The following NR2E1 variants were observed in gnomAD, a reference collection of about 807,000 sequenced individuals.
The protein encoded by NR2E1 is nuclear receptor subfamily 2 group E member 1.
NR2E1 carries 5 observed loss-of-function variants against 43.6 expected under a neutral mutation model. The ratio of observed to expected loss-of-function variants is 0.11; its 90% CI spans 0.06 to 0.24. The LOEUF (loss-of-function observed/expected upper bound fraction) is 0.24, where lower values mean the gene tolerates loss of function less well. Among genes scored for constraint, NR2E1 ranks in the 10% least tolerant of loss-of-function variants. NR2E1 has a pLI of 1.00. For missense variants in NR2E1, 287 were observed against 496.7 expected, an observed-to-expected ratio of 0.58 and a Z score of 4.01; for synonymous variants, 191 against 195.5, an observed-to-expected ratio of 0.98 and a Z score of 0.19.
chr6:108,170,032 C>G (rs981241462), intron 1 of NR2E1, among the ~76,000 whole-genome samples: 1 of 150,628 alleles, frequency 6.6e-6, no homozygotes, highest in African/African-American at 2.5e-5. Flanking sequence ...ACGGTGCAAG[C>G]TCGCCCGGAC....
At chr6:108,173,698 C>A (rs896245711) in intron 2 of NR2E1, among the ~76,000 whole-genome samples, 7 of 152,208 alleles carry the variant, frequency 4.6e-5, no homozygotes, top group Non-Finnish European at 8.8e-5. Context: ...TTTCTTCTCA[C>A]TACAAATCTA....
At chr6:108,177,962 C>A in intron 4 of NR2E1, 133 bp from the exon 5 acceptor site, 2 of 932,820 alleles carry the variant, frequency 2.1e-6, no homozygotes, top group Non-Finnish European at 3.5e-6. Flanking sequence ...CCAATGTCAA[C>A]TGCATGTTTA....
At chr6:108,175,155 C>G (rs1014642487) in intron 3 of NR2E1, among the ~76,000 whole-genome samples, 1 of 152,168 alleles carries the variant, frequency 6.6e-6, no homozygotes, top group Non-Finnish European at 1.5e-5. Context: ...AACTTGCGCC[C>G]CACAGTCATC....
At chr6:108,171,430 C>T (rs752658233) in intron 1 of NR2E1, 28 bp from the exon 2 acceptor site, 2 of 1,613,540 alleles carry the variant, frequency 1.2e-6, no homozygotes, top group Non-Finnish European at 1.7e-6. Context: ...GCCCCTTCCC[C>T]CCTTCCCCGT....
chr6:108,175,024 G>A, intron 3 of NR2E1, 101 bp downstream of exon 3: 2 of 1,133,286 alleles, frequency 1.8e-6, no homozygotes, highest in Non-Finnish European at 1.3e-6. Flanking sequence ...CAACCCCGGA[G>A]CGCTTCTTTC....
chr6:108,177,173 C>A (rs1480255148), intron 4 of NR2E1, among the ~76,000 whole-genome samples: 1 of 152,230 alleles, frequency 6.6e-6, no homozygotes, highest in Non-Finnish European at 1.5e-5. Context: ...GGAGGAAGGG[C>A]TCCAGAATTC....
intron 8 of NR2E1, 112 bp from the exon 9 acceptor site, chr6:108,187,189 A>C: frequency 7.9e-7 from 1 of 1,265,990 alleles, no homozygotes; most frequent in Non-Finnish European, 1.2e-6. Flanking sequence ...ATACTGTGTT[A>C]TTCAAGAGAC....
rs569458717 is a variant in NR2E1, at chr6:108,180,167, A to C, written c.643-156A>C. On this transcript the variant is annotated intron_variant, in intron 5 of 8. Coordinates refer to ENST00000368986, the MANE Select transcript of NR2E1 (RefSeq NM_003269.5). The surrounding 1 kb of genome is among the most constrained non-coding windows in gnomAD (Gnocchi z 5.4). ...TCTATAGGCACCTTTTCAAAAGGAA[A>C]ATATGGGAAAATAAGGGAAAGCTAG... is the stretch of plus-strand genomic sequence containing the variant. Among the ~76,000 whole-genome samples the C allele has an allele frequency of 6.6e-6, 1 of 152,260 alleles. No homozygotes were observed. The highest frequency in any genetic ancestry group is 1.5e-5 in the Non-Finnish European group (1 of 68,044).
chr6:108,166,948 T>G lies in NR2E1; in HGVS notation c.25+158T>G, dbSNP rs372523006. On this transcript the variant is annotated intron_variant, in intron 1 of 8. Transcript: ENST00000368986. The surrounding 1 kb of genome is among the most constrained non-coding windows in gnomAD (Gnocchi z 7.2). ...TCGGCCCAGACCTGTAGACCGTGAG[T>G]TGGAGCATTTCGTGGAGAGGGGAGA... is the stretch of plus-strand genomic sequence containing the variant. Among the ~76,000 whole-genome samples the G allele has an allele frequency of 6.6e-6, 1 of 152,034 alleles. No homozygotes were observed. The highest frequency in any genetic ancestry group is 6.5e-5 in the Admixed American group (1 of 15,272).
chr6:108,182,241 C>CAAA (rs766203121), intron 8 of NR2E1, among the ~76,000 whole-genome samples: 38 of 74,062 alleles, frequency 5.1e-4, no homozygotes, highest in Admixed American at 8.1e-4. Flanking sequence ...GACTCCGTCT[C>CAAA]AAAAAAAAAA....
intron 8 of NR2E1, among the ~76,000 whole-genome samples, chr6:108,186,606 G>T (rs959968225): frequency 2.6e-5 from 4 of 152,204 alleles, no homozygotes; most frequent in African/African-American, 7.2e-5. Context: ...CTGCAGTGAG[G>T]AGGTGGCTTG....
chr6:108,184,985 ATATT>A (rs1196664007), intron 8 of NR2E1, among the ~76,000 whole-genome samples: 1 of 152,186 alleles, frequency 6.6e-6, no homozygotes. Flanking sequence ...CTGTAATTTA[ATATT>A]TATATCTAGG....
chr6:108,186,073 G>A (rs968586362), intron 8 of NR2E1, among the ~76,000 whole-genome samples: 2 of 152,128 alleles, frequency 1.3e-5, no homozygotes, highest in South Asian at 2.1e-4. Flanking sequence ...AGGGAGACAC[G>A]GATTTGGGGA....
rs1773972976 is a variant in NR2E1 at position 108,180,912 on chromosome 6, C to T, written c.845C>T (p.Ala282Val). The change falls in exon 7 of 9, where the codon GCT (alanine) becomes GTT (valine). Residue 282 changes from alanine (A) to valine (V), a missense_variant. Around this residue, in one of 4 missense-constraint regions of NR2E1, gnomAD observed 119 missense variants for 187.0 expected, o/e 0.64. Coordinates refer to ENST00000368986, the MANE Select transcript of NR2E1 (RefSeq NM_003269.5). This position sits in a 1 kb window ranked among gnomAD's most constrained non-coding sequence, Gnocchi z 5.4. ...VARFRQLRLD[A>V]TEFACLKCIV... ...CGATTTAGACAACTCCGGTTAGATG[C>T]TACTGAATTTGCCTGTCTAAAATGC... 1.2e-6 allele frequency: 2 copies of T among 1,614,024 alleles called. No individual in the cohort carries two copies. The highest frequency in any genetic ancestry group is 1.7e-6 in the Non-Finnish European group (2 of 1,180,034).
chr6:108,167,908 C>CAA, intron 1 of NR2E1: 1 of 1,046,130 alleles, frequency 9.6e-7, no homozygotes, highest in Admixed American at 2.7e-5. Context: ...AAGTGGGATG[C>CAA]AATTCCCGCC....
In NR2E1 at chr6:108,187,419, A is replaced by G; in HGVS notation, c.1114A>G (p.Ile372Val). The change falls in exon 9 of 9, where the codon ATT (isoleucine) becomes GTT (valine). Residue 372 changes from isoleucine (I) to valine (V), a missense_variant. Ile to Val is a conservative substitution (Grantham distance 29). Transcript: ENST00000368986. ...CAAAAAAACCATCGGCAATGTGCCA[A>G]TTACAAGACTGCTTTCAGATATGTA... ...FFKKTIGNVP[I>V]TRLLSDMYKS... is the part of the protein sequence containing the mutation. 1.2e-6 allele frequency: 2 copies of G among 1,614,234 alleles called. No homozygotes were observed. The highest frequency in any genetic ancestry group is 2.2e-5 in the East Asian group (1 of 44,888).
At position 108,187,627 on chromosome 6, in the gene NR2E1, C is replaced by A; in HGVS notation, c.*164C>A. 1.3e-6 allele frequency: 1 copy of A among 743,428 alleles called. No homozygotes were observed. The highest frequency in any genetic ancestry group is 2.3e-6 in the Non-Finnish European group (1 of 434,874). The allele number at this position is 743,428 out of a possible 1,614,324, so 46.1% of individuals were successfully genotyped here. ...CACAAAGCATTCCAGTAGCTATGAC[C>A]TGCCGCCCTGACCAGGATAGGGCGG... On this transcript the variant is annotated 3_prime_UTR_variant, in exon 9 of 9. Transcript: ENST00000368986.
chr6:108,171,409 CT>C lies in NR2E1; in HGVS notation c.26-46del, dbSNP rs533210216. On this transcript the variant is annotated intron_variant, in intron 1 of 8. Coordinates refer to ENST00000368986, the MANE Select transcript of NR2E1 (RefSeq NM_003269.5). The stretch of plus-strand genomic sequence containing the variant: ...CCTTTTCTCCCTCTTCTCCGCCCTC[CT>C]TTCCCTCTCGCCCCTTCCCCCCTTC... The C allele has an allele frequency of 5.1e-5, 82 of 1,605,930 alleles. No homozygotes were observed. The East Asian group carries it at 1.2e-3, about 24-fold the overall frequency.
At position 108,188,437 on chromosome 6, in the gene NR2E1, A is replaced by G. The variant is rs1020306841; in HGVS notation, c.*974A>G. 6 of 151,852 alleles carry G rather than the reference A, an allele frequency of 4.0e-5. No homozygotes were observed. The highest frequency in any genetic ancestry group is 1.5e-4 in the African/African-American group (6 of 41,370). The allele number at this position is 151,852 out of a possible 1,614,324, so 9.4% of individuals were successfully genotyped here. Reference sequence around the variant, plus strand: ...TGCTAAAAGGGTTCTTGACTGATCCATTGCTAACAGCCTGAGACTCTTCAA... The same window carrying G: ...TGCTAAAAGGGTTCTTGACTGATCCGTTGCTAACAGCCTGAGACTCTTCAA... On this transcript the variant is annotated 3_prime_UTR_variant, in exon 9 of 9. Coordinates refer to ENST00000368986, the MANE Select transcript of NR2E1 (RefSeq NM_003269.5).
Sources: allele counts gnomAD v4.1 joint callset (sites outside exome capture counted in the v4.1 genomes callset), GRCh38; gene constraint gnomAD v4.1.1; regional missense constraint gnomAD v4.1.1; non-coding constraint Gnocchi (gnomAD v3.1); transcripts MANE v1.5; gene names NCBI Gene and HGNC (gene_info 2026-07-23, HGNC 2026-07-21).